The following PLEKHA7 variants were observed in gnomAD, a reference collection of about 807,000 sequenced individuals.
PLEKHA7 encodes pleckstrin homology domain containing A7.
A neutral mutation model predicts 170.0 loss-of-function variants in PLEKHA7; 104 were observed. The observed-to-expected ratio is 0.61, with a 90% confidence interval of 0.52 to 0.72. The LOEUF is 0.72. Ranked by LOEUF, PLEKHA7 falls within the 30% of genes least tolerant of loss-of-function variation. PLEKHA7 has a pLI of 0.00. For synonymous variants in PLEKHA7, 648 were observed against 660.8 expected, an observed-to-expected ratio of 0.98 and a Z score of 0.30; for missense variants, 1,615 against 1,671.7, an observed-to-expected ratio of 0.97 and a Z score of 0.59.
chr11:16,805,003 G>C (rs1243794972), intron 13 of PLEKHA7, among the ~76,000 whole-genome samples: 4 of 152,196 alleles, frequency 2.6e-5, no homozygotes, highest in Non-Finnish European at 5.9e-5. Flanking sequence ...GGGAACCCAG[G>C]AGAAAAAGCA....
rs1487904354 is a variant in PLEKHA7, at chr11:16,974,955, G to T, written c.221+39034C>A. 10 of 747,422 alleles carry T rather than the reference G, an allele frequency of 1.3e-5. 5 individuals carry two copies. The African/African-American group carries it at 5.3e-4, about 40-fold the overall frequency. 46.3% of individuals were successfully genotyped at this position (747,422 alleles called of 1,614,324 possible). On this transcript the variant is annotated intron_variant, in intron 3 of 26. Transcript: ENST00000531066. ...CTTCTTGTACTGTGTCACTTTATGG[G>T]GTTGGTGCTTGCCACACTTCTTACA...
intron 8 of PLEKHA7, among the ~76,000 whole-genome samples, chr11:16,845,607 T>C (rs1317406522): frequency 1.3e-5 from 2 of 152,124 alleles, no homozygotes; most frequent in African/African-American, 2.4e-5. Flanking sequence ...GCTCAAGTGA[T>C]CCACCCACCT....
intron 3 of PLEKHA7, among the ~76,000 whole-genome samples, chr11:16,990,406 G>A (rs574740069): frequency 1.3e-3 from 198 of 151,534 alleles, no homozygotes; most frequent in Middle Eastern, 0.01. Flanking sequence ...TACAGCACTC[G>A]TACCTCACCA....
chr11:16,793,201 C>T (rs914299380), intron 19 of PLEKHA7, among the ~76,000 whole-genome samples: 1 of 152,236 alleles, frequency 6.6e-6, no homozygotes, highest in Non-Finnish European at 1.5e-5. Context: ...TGTCCCAGCT[C>T]CTATGCCAGT....
chr11:16,957,698 T>A lies in PLEKHA7; in HGVS notation c.221+56291A>T, dbSNP rs1186331551. Among the ~76,000 whole-genome samples the A allele has an allele frequency of 7.1e-4, 20 of 28,282 alleles. 2 individuals are homozygous for A. The highest frequency in any genetic ancestry group is 3.3e-3 in the South Asian group (1 of 304). The allele number at this position is 28,282 out of a possible 152,430, so 18.6% of individuals were successfully genotyped here. On this transcript the variant is annotated intron_variant, in intron 3 of 26. Coordinates refer to ENST00000531066, the MANE Select transcript of PLEKHA7 (RefSeq NM_001329630.2). ...GAATTTTACCTCAATAATTTTTTTC[T>A]TTTTTTTTTTTTTTTTTTTTTTTGA...
chr11:16,983,391 G>A (rs552013663), intron 3 of PLEKHA7, among the ~76,000 whole-genome samples: 14 of 152,306 alleles, frequency 9.2e-5, no homozygotes, highest in Middle Eastern at 3.4e-3. Flanking sequence ...CCATGTGAGA[G>A]GCTTGAGACC....
chr11:16,994,182 G>A (rs7122802), intron 3 of PLEKHA7, among the ~76,000 whole-genome samples: 48,380 of 152,112 alleles, frequency 0.32, 7,877 homozygotes, highest in East Asian at 0.43. Context: ...AGGCCACCAG[G>A]TGACAGGACT....
chr11:16,907,122 G>GC (rs1342436578), intron 3 of PLEKHA7, among the ~76,000 whole-genome samples: 6 of 102,874 alleles, frequency 5.8e-5, no homozygotes, highest in African/African-American at 2.0e-4. Flanking sequence ...GTGGGGGTCA[G>GC]CCCCCCGCCC....
chr11:16,936,434 T>C (rs1376789618), intron 3 of PLEKHA7, among the ~76,000 whole-genome samples: 4 of 127,218 alleles, frequency 3.1e-5, no homozygotes, highest in Admixed American at 7.9e-5. Flanking sequence ...AAATCAGGTC[T>C]CTATTAGAAT....
chr11:16,794,519 AG>A lies in PLEKHA7; in HGVS notation c.2713del (p.Leu905PhefsTer69). ...PPQLRKVTSPLQSPTKAKPKV... is the reference protein window; with the variant it reads ...PPQLRKVTSPXQSPTKAKPKV... ...GGGCTTCGCCTTAGTTGGTGACTGA[AG>A]GGGGGATGTCACTTTCCTCAGCTGG... On this transcript the variant is annotated frameshift_variant, in exon 19 of 27. Coordinates refer to ENST00000531066, the MANE Select transcript of PLEKHA7 (RefSeq NM_001329630.2). LOFTEE classifies it high-confidence loss of function. 1 of 1,613,878 alleles carries A rather than the reference AG, an allele frequency of 6.2e-7. No individual in the cohort carries two copies. The highest frequency in any genetic ancestry group is 1.1e-5 in the South Asian group (1 of 91,080).
chr11:16,927,705 A>C (rs1373514068), intron 3 of PLEKHA7, among the ~76,000 whole-genome samples: 1 of 152,268 alleles, frequency 6.6e-6, no homozygotes, highest in East Asian at 1.9e-4. Context: ...AAAAGGCTTT[A>C]AAATGCTCAT....
At chr11:16,896,458 T>C (rs1291862508) in intron 3 of PLEKHA7, among the ~76,000 whole-genome samples, 4 of 152,116 alleles carry the variant, frequency 2.6e-5, no homozygotes, top group Admixed American at 6.5e-5. Flanking sequence ...GAAGGCATCC[T>C]ACCTTTTCCC....
At chr11:16,893,362 C>T (rs987771793) in intron 3 of PLEKHA7, among the ~76,000 whole-genome samples, 2 of 152,126 alleles carry the variant, frequency 1.3e-5, no homozygotes, top group African/African-American at 4.8e-5. Flanking sequence ...GGGAAGGAAA[C>T]GGGTGGCTTT....
chr11:16,805,719 G>T (rs1590177613), intron 13 of PLEKHA7, among the ~76,000 whole-genome samples: 1 of 150,576 alleles, frequency 6.6e-6, no homozygotes, highest in African/African-American at 2.5e-5. Flanking sequence ...GAACCTGGGA[G>T]GCAGAGGTTG....
Position 16,826,408 on chromosome 11 carries a change from A to G in PLEKHA7, c.1055T>C (p.Leu352Pro), listed in dbSNP as rs376603959. 6.2e-7 allele frequency: 1 copy of G among 1,614,210 alleles called. No homozygotes were observed. The highest frequency in any genetic ancestry group is 8.5e-7 in the Non-Finnish European group (1 of 1,180,038). ...CTTGCTCCGGTCCCGCTTGCCCTCCAGTGGGTCCCTCTGGGAACGGTACTG... is the reference window on the plus strand; with the variant it reads ...CTTGCTCCGGTCCCGCTTGCCCTCCGGTGGGTCCCTCTGGGAACGGTACTG... ...GEQYRSQRDP[L>P]EGKRDRSKAR... The change falls in exon 10 of 27, where the codon CTG (leucine) becomes CCG (proline). Residue 352 changes from leucine to proline, a missense_variant. Coordinates refer to ENST00000531066, the MANE Select transcript of PLEKHA7 (RefSeq NM_001329630.2).
At chr11:16,923,235 G>A (rs1027541424) in intron 3 of PLEKHA7, among the ~76,000 whole-genome samples, 5 of 152,236 alleles carry the variant, frequency 3.3e-5, no homozygotes, top group African/African-American at 9.6e-5. Flanking sequence ...TGAGACGTTA[G>A]ACGGCTGGCT....
rs1849888701 is a variant in PLEKHA7 at position 16,817,818 on chromosome 11, C to T, written c.1344-496G>A. Among the ~76,000 whole-genome samples the T allele has an allele frequency of 6.6e-6, 1 of 152,190 alleles. No homozygotes were observed. ...TCTCCCTCCAGACAACTCTGAGATGCTCCTAATGGGTTTCCACTTTGTCCA... is the reference window on the plus strand; with the variant it reads ...TCTCCCTCCAGACAACTCTGAGATGTTCCTAATGGGTTTCCACTTTGTCCA... On this transcript the variant is annotated intron_variant, in intron 10 of 26. Transcript: ENST00000531066. This position sits in a 1 kb window ranked among gnomAD's most constrained non-coding sequence, Gnocchi z 4.4.
Position 16,855,587 on chromosome 11 carries a change from T to C in PLEKHA7, c.417+216A>G, listed in dbSNP as rs185535616. 120 of 564,072 alleles carry C rather than the reference T, an allele frequency of 2.1e-4. 1 individual carries two copies. The East Asian group carries it at 2.9e-3, about 14-fold the overall frequency. 34.9% of individuals were successfully genotyped at this position (564,072 alleles called of 1,614,324 possible). A position where few individuals can be genotyped will look rare whatever the true frequency, so the allele number is the denominator to read the frequency against. The stretch of plus-strand genomic sequence containing the variant: ...AGTGAAGAACATGCTCAAGGACCTA[T>C]AGACACCAGTGCTGGGTCTGTCAGC... On this transcript the variant is annotated intron_variant, in intron 5 of 26. Transcript: ENST00000531066.
intron 10 of PLEKHA7, among the ~76,000 whole-genome samples, chr11:16,820,790 C>G (rs537043177): frequency 1.3e-5 from 2 of 152,318 alleles, no homozygotes; most frequent in Admixed American, 1.3e-4. Context: ...CCTCAAATCC[C>G]TAAGCTCATC....
Sources: allele counts gnomAD v4.1 joint callset (sites outside exome capture counted in the v4.1 genomes callset), GRCh38; gene constraint gnomAD v4.1.1; non-coding constraint Gnocchi (gnomAD v3.1); transcripts MANE v1.5; gene names NCBI Gene and HGNC (gene_info 2026-07-23, HGNC 2026-07-21).